TBCK: variants seen among roughly 807,000 people sequenced by gnomAD.
The protein encoded by TBCK is TBC1 domain containing kinase.
Under a neutral mutation model 113.4 loss-of-function variants are expected in TBCK, and 99 were observed. The observed-to-expected ratio is 0.87, with a 90% CI of 0.74 to 1.03. The LOEUF (loss-of-function observed/expected upper bound fraction) is 1.03, where lower values mean the gene tolerates loss of function less well. Among genes scored for constraint, TBCK ranks in the 50% least tolerant of loss-of-function variants. TBCK has a pLI of 0.00. For missense variants in TBCK, 1,045 were observed against 1,061.3 expected (o/e 0.98, Z 0.21); for synonymous variants, 369 against 370.8 (o/e 1.00, Z 0.05).
intron 20 of TBCK, among the ~76,000 whole-genome samples, chr4:106,208,702 C>T (rs1274213300): frequency 6.6e-6 from 1 of 152,140 alleles, no homozygotes; most frequent in African/African-American, 2.4e-5. Flanking sequence ...ACGGCAAGTG[C>T]AAACAAAGCT....
At chr4:106,149,132 G>A (rs918628533) in intron 23 of TBCK, among the ~76,000 whole-genome samples, 1 of 152,202 alleles carries the variant, frequency 6.6e-6, no homozygotes, top group African/African-American at 2.4e-5. Context: ...AAGAGAGTTA[G>A]GGCTTTGCTC....
intron 1 of TBCK, among the ~76,000 whole-genome samples, chr4:106,310,978 T>C (rs910971479): frequency 5.9e-5 from 9 of 152,066 alleles, no homozygotes; most frequent in African/African-American, 2.2e-4. Flanking sequence ...AATAGATACA[T>C]GAGAAGATAA....
chr4:106,248,192 T>C, intron 9 of TBCK, 53 bp downstream of exon 9: 1 of 1,267,162 alleles, frequency 7.9e-7, no homozygotes, highest in Non-Finnish European at 1.1e-6. Context: ...AAAAAACCAA[T>C]TGCTTATGCG....
intron 22 of TBCK, among the ~76,000 whole-genome samples, chr4:106,184,906 T>C (rs769680963): frequency 6.6e-6 from 1 of 152,132 alleles, no homozygotes; most frequent in Admixed American, 6.6e-5. Context: ...GTTGTCTTAA[T>C]GAGTTAACAG....
chr4:106,067,431 C>T (rs1232917902), intron 25 of TBCK, among the ~76,000 whole-genome samples: 1 of 152,036 alleles, frequency 6.6e-6, no homozygotes, highest in Non-Finnish European at 1.5e-5. Flanking sequence ...ATATGATTTA[C>T]AAATATTTTC....
At chr4:106,264,334 A>G (rs1461971268) in intron 3 of TBCK, among the ~76,000 whole-genome samples, 2 of 152,152 alleles carry the variant, frequency 1.3e-5, no homozygotes, top group East Asian at 3.9e-4. Context: ...GAAGTAAAAA[A>G]GACAGGTAGG....
At chr4:106,201,848 T>C (rs1433689471) in intron 20 of TBCK, among the ~76,000 whole-genome samples, 2 of 152,110 alleles carry the variant, frequency 1.3e-5, no homozygotes, top group Non-Finnish European at 2.9e-5. Context: ...AGTATTTTCA[T>C]ATTTAAATTA....
At chr4:106,316,661 T>C, upstream of TBCK, 3 of 1,499,754 alleles carry the variant, frequency 2.0e-6, no homozygotes, top group South Asian at 3.7e-5. Flanking sequence ...GTCTTCCTTC[T>C]CTAACTTGCC....
chr4:106,246,954 G>A (rs760163094), intron 10 of TBCK, among the ~76,000 whole-genome samples, 185 bp downstream of exon 10: 62 of 152,068 alleles, frequency 4.1e-4, no homozygotes, highest in Non-Finnish European at 6.6e-4. Context: ...CAAAGTGCTG[G>A]GATTACAGGC....
intron 23 of TBCK, among the ~76,000 whole-genome samples, chr4:106,118,082 T>A (rs558381300): frequency 1.2e-4 from 18 of 151,844 alleles, no homozygotes; most frequent in African/African-American, 4.4e-4. Flanking sequence ...ATTCAAAAAA[T>A]TTTTAATTTA....
intron 3 of TBCK, among the ~76,000 whole-genome samples, chr4:106,282,747 A>G (rs1189064434): frequency 1.3e-5 from 2 of 152,262 alleles, no homozygotes; most frequent in South Asian, 4.1e-4. Flanking sequence ...TTGATTCACA[A>G]TTCTGCATGG....
chr4:106,225,678 C>T (rs1758162868), intron 19 of TBCK, among the ~76,000 whole-genome samples: 1 of 151,924 alleles, frequency 6.6e-6, no homozygotes, highest in Non-Finnish European at 1.5e-5. Flanking sequence ...AGGCTGGTCT[C>T]GAACTCCTGA....
intron 5 of TBCK, among the ~76,000 whole-genome samples, chr4:106,254,245 C>A (rs964410149): frequency 6.6e-6 from 1 of 152,152 alleles, no homozygotes; most frequent in Admixed American, 6.5e-5. Context: ...TCAGCATAAA[C>A]CACTTTGGTT....
intron 24 of TBCK, among the ~76,000 whole-genome samples, chr4:106,110,918 G>T (rs184772876): frequency 6.6e-6 from 1 of 152,022 alleles, no homozygotes. Context: ...AGCAGCATTA[G>T]ATGGGGAGCT....
intron 22 of TBCK, among the ~76,000 whole-genome samples, chr4:106,188,715 C>T (rs542292948): frequency 6.6e-6 from 1 of 152,286 alleles, no homozygotes; most frequent in Admixed American, 6.5e-5. Flanking sequence ...CTGATCACCT[C>T]TAACATTATT....
chr4:106,124,336 A>C (rs1383662110), intron 23 of TBCK, among the ~76,000 whole-genome samples: 1 of 152,222 alleles, frequency 6.6e-6, no homozygotes, highest in Non-Finnish European at 1.5e-5. Flanking sequence ...GCAATCATTA[A>C]AAAGTCAGGA....
intron 20 of TBCK, among the ~76,000 whole-genome samples, chr4:106,199,264 A>C (rs1382104265): frequency 1.3e-5 from 2 of 152,106 alleles, no homozygotes; most frequent in East Asian, 3.9e-4. Context: ...AGGATTTGAC[A>C]AAGTTGACTA....
intron 19 of TBCK, among the ~76,000 whole-genome samples, chr4:106,217,813 A>G (rs1415070255): frequency 6.7e-6 from 1 of 150,190 alleles, no homozygotes; most frequent in Non-Finnish European, 1.5e-5. Context: ...TTATAGATTC[A>G]ATGCTATCCC....
chr4:106,259,533 T>A (rs969581717), intron 5 of TBCK, among the ~76,000 whole-genome samples: 1 of 151,922 alleles, frequency 6.6e-6, no homozygotes, highest in Non-Finnish European at 1.5e-5. Context: ...GTCCTTCTTT[T>A]AGAAAATACA....
Sources: allele counts gnomAD v4.1 joint callset (sites outside exome capture counted in the v4.1 genomes callset), GRCh38; gene constraint gnomAD v4.1.1; transcripts MANE v1.5; gene names NCBI Gene and HGNC (gene_info 2026-07-23, HGNC 2026-07-21).